The following FLT1 variants were observed in gnomAD, a reference collection of about 807,000 sequenced individuals.
The protein encoded by FLT1 is fms related receptor tyrosine kinase 1.
In FLT1, 49 loss-of-function variants were observed where a neutral mutation model predicts 156.3. That is an observed-to-expected ratio of 0.31 (90% CI 0.25 to 0.40). The LOEUF (loss-of-function observed/expected upper bound fraction) is 0.40. Ranked by LOEUF, FLT1 falls within the 10% of genes least tolerant of loss-of-function variation. The pLI is 1.00. For missense variants in FLT1, 1,322 were observed against 1,637.2 expected, an observed-to-expected ratio of 0.81 and a Z score of 3.32; for synonymous variants, 594 against 583.8, an observed-to-expected ratio of 1.02 and a Z score of -0.25.
chr13:28,494,368 G>A (rs1307067138), intron 1 of FLT1, among the ~76,000 whole-genome samples: 2 of 152,180 alleles, frequency 1.3e-5, no homozygotes, highest in African/African-American at 2.4e-5. Flanking sequence ...TCCCGGCTCC[G>A]GGGGACCCTG....
chr13:28,485,821 G>T (rs1317655464), intron 1 of FLT1, among the ~76,000 whole-genome samples: 3 of 152,140 alleles, frequency 2.0e-5, no homozygotes, highest in Non-Finnish European at 4.4e-5. Flanking sequence ...AGGAAGCCCC[G>T]GCCAGGCTAC....
chr13:28,467,667 T>A, intron 1 of FLT1, 50 bp from the exon 2 acceptor site: 2 of 966,676 alleles, frequency 2.1e-6, no homozygotes, highest in Non-Finnish European at 3.2e-6. Flanking sequence ...TCTTCTTACC[T>A]TTTTTTAAGT....
intron 14 of FLT1, chr13:28,368,633 G>A (rs1206591619): frequency 5.6e-6 from 7 of 1,255,550 alleles, no homozygotes; most frequent in South Asian, 1.3e-5. Context: ...TGATGATGAC[G>A]ATGACGATGG....
intron 3 of FLT1, 184 bp downstream of exon 3, chr13:28,466,719 C>T (rs1293528903): frequency 7.3e-6 from 5 of 686,432 alleles, no homozygotes; most frequent in Non-Finnish European, 1.3e-5. Context: ...TAGTGACTAA[C>T]TGGGCCTTGA....
chr13:28,301,784 C>T lies in FLT1; in HGVS notation c.*1383G>A, dbSNP rs1308830596. On this transcript the variant is annotated 3_prime_UTR_variant, in exon 30 of 30. Transcript: ENST00000282397. ...CCTGTCTCCCTATTCCCATCATGCT[C>T]AGACCCCAGGCAAGTTTCAAAGCAG... 4.3e-6 allele frequency: 1 copy of T among 233,592 alleles called. No homozygotes were observed. Among genetic ancestry groups the T allele is most frequent in the Non-Finnish European group, 8.5e-6 (1 of 117,974 alleles). The allele number at this position is 233,592 out of a possible 1,614,324, so 14.5% of individuals were successfully genotyped here. A position where few individuals can be genotyped will look rare whatever the true frequency, so the allele number is the denominator to read the frequency against.
chr13:28,385,939 GCTT>G (rs1874333951), intron 13 of FLT1: 1 of 1,050,754 alleles, frequency 9.5e-7, no homozygotes, highest in Admixed American at 5.5e-5. Flanking sequence ...GGTAGCTAAA[GCTT>G]CCAAGGTAAA....
rs1385792223 is a variant in FLT1 at position 28,322,776 on chromosome 13, G to C, written c.2953+14C>G. ...ATATCTCAGCGCGTAGGACAGGAAG[G>C]AATTAATACCTACCCTCCTCTTCCT... is the stretch of plus-strand genomic sequence containing the variant. On this transcript the variant is annotated intron_variant, in intron 21 of 29. Coordinates refer to ENST00000282397, the MANE Select transcript of FLT1 (RefSeq NM_002019.4). This position sits in a 1 kb window ranked among gnomAD's most constrained non-coding sequence, Gnocchi z 4.3. The C allele has an allele frequency of 1.2e-6, 2 of 1,612,176 alleles. No homozygotes were observed. The highest frequency in any genetic ancestry group is 3.3e-5 in the Admixed American group (2 of 60,012).
intron 15 of FLT1, among the ~76,000 whole-genome samples, chr13:28,347,080 G>C (rs970655497): frequency 6.6e-6 from 1 of 152,178 alleles, no homozygotes; most frequent in Non-Finnish European, 1.5e-5. Flanking sequence ...GATTTTGAAA[G>C]ATTCGGCTGC....
At chr13:28,417,670 CG>C (rs1319994431) in intron 10 of FLT1, among the ~76,000 whole-genome samples, 18 of 47,294 alleles carry the variant, frequency 3.8e-4, no homozygotes, top group East Asian at 1.0e-3. Flanking sequence ...TCCTTAATTC[CG>C]TTTTTTTTTT....
chr13:28,311,165 G>A (rs905601981), intron 27 of FLT1, among the ~76,000 whole-genome samples: 1 of 151,950 alleles, frequency 6.6e-6, no homozygotes, highest in Non-Finnish European at 1.5e-5. Context: ...CTATGTTGCC[G>A]AGGCAGATTT....
rs1037266672 is a variant in FLT1, at chr13:28,300,589, C to T, written c.*2578G>A. On this transcript the variant is annotated 3_prime_UTR_variant, in exon 30 of 30. Transcript: ENST00000282397. ...TACACCACTGTCGGCCAAAGATGCA[C>T]TCCTCCTTTAATCAATTTAAATGAG... The T allele has an allele frequency of 8.6e-6, 2 of 232,716 alleles. No homozygotes were observed. The highest frequency in any genetic ancestry group is 1.7e-5 in the Non-Finnish European group (2 of 117,986). The allele number at this position is 232,716 out of a possible 1,614,324, so 14.4% of individuals were successfully genotyped here.
chr13:28,389,504 C>G lies in FLT1; in HGVS notation c.1969+292G>C, dbSNP rs1316348657. ...AGTGCAGGGATCCTCCAAATCCAAA[C>G]GTGCACCAAGTCGGCCCCCCGGAGC... On this transcript the variant is annotated intron_variant, in intron 13 of 29. Coordinates refer to ENST00000282397, the MANE Select transcript of FLT1 (RefSeq NM_002019.4). The G allele has an allele frequency of 2.8e-6, 4 of 1,416,742 alleles. No individual in the cohort carries two copies. The Admixed American group carries it at 1.2e-4, about 43-fold the overall frequency. 87.8% of individuals were successfully genotyped at this position (1,416,742 alleles called of 1,614,324 possible). A position where few individuals can be genotyped will look rare whatever the true frequency, so the allele number is the denominator to read the frequency against.
intron 29 of FLT1, among the ~76,000 whole-genome samples, chr13:28,305,282 G>A (rs190370178): frequency 2.4e-4 from 36 of 152,172 alleles, no homozygotes; most frequent in African/African-American, 8.4e-4. Flanking sequence ...AGAGTGTAGT[G>A]GTGCAATTGT....
chr13:28,372,564 A>ATGTG (rs1453821493), intron 14 of FLT1, among the ~76,000 whole-genome samples: 4 of 56,604 alleles, frequency 7.1e-5, no homozygotes, highest in Non-Finnish European at 6.6e-5. Context: ...TTTAAATAAA[A>ATGTG]TGTATATATA....
At chr13:28,350,180 G>A (rs535879064) in intron 15 of FLT1, among the ~76,000 whole-genome samples, 39 of 152,218 alleles carry the variant, frequency 2.6e-4, no homozygotes, top group Non-Finnish European at 4.8e-4. Flanking sequence ...GTAACTAGGA[G>A]TTAGCACTGG....
intron 14 of FLT1, among the ~76,000 whole-genome samples, chr13:28,357,889 T>TC (rs1555231305): frequency 6.9e-5 from 10 of 145,260 alleles, no homozygotes; most frequent in Non-Finnish European, 1.2e-4. Context: ...TTTTTTTTTT[T>TC]CTGCAGGCTT....
chr13:28,491,399 A>G (rs1881463846), intron 1 of FLT1, among the ~76,000 whole-genome samples: 1 of 152,214 alleles, frequency 6.6e-6, no homozygotes, highest in South Asian at 2.1e-4. Flanking sequence ...AATTCAAGAA[A>G]TAAATAGGGG....
intron 13 of FLT1, chr13:28,388,415 C>G: frequency 9.5e-7 from 1 of 1,055,566 alleles, no homozygotes; most frequent in Non-Finnish European, 1.1e-6. Context: ...AACTGCCCAG[C>G]CACTGTGTTT....
intron 12 of FLT1, among the ~76,000 whole-genome samples, chr13:28,393,817 G>A (rs1874881017): frequency 6.6e-6 from 1 of 152,110 alleles, no homozygotes; most frequent in African/African-American, 2.4e-5. Flanking sequence ...AAACTCTTGT[G>A]CTCAAGCAAT....
Sources: allele counts gnomAD v4.1 joint callset (sites outside exome capture counted in the v4.1 genomes callset), GRCh38; gene constraint gnomAD v4.1.1; non-coding constraint Gnocchi (gnomAD v3.1); transcripts MANE v1.5; gene names NCBI Gene and HGNC (gene_info 2026-07-23, HGNC 2026-07-21).